Variants in TTC3 observed in about 807,000 individuals in gnomAD.
TTC3 encodes the protein E3 ubiquitin-protein ligase TTC3.
A neutral mutation model predicts 249.6 loss-of-function variants in TTC3; 180 were observed. That is an observed-to-expected ratio of 0.72 (90% CI 0.64 to 0.82). The LOEUF is 0.82. TTC3 is among the 40% of genes least tolerant of loss of function. The pLI is 0.00. For synonymous variants in TTC3, 717 were observed against 805.0 expected, an observed-to-expected ratio of 0.89 and a Z score of 1.85; for missense variants, 2,061 against 2,398.4, an observed-to-expected ratio of 0.86 and a Z score of 2.94.
chr21:37,076,629 G>A (rs1472996777), intron 1 of TTC3, among the ~76,000 whole-genome samples: 2 of 150,380 alleles, frequency 1.3e-5, no homozygotes, highest in Non-Finnish European at 2.9e-5. Context: ...CAAACCACAG[G>A]TTCTTGTGGA....
At chr21:37,115,399 G>C (rs2076057815) in intron 11 of TTC3, among the ~76,000 whole-genome samples, 1 of 152,068 alleles carries the variant, frequency 6.6e-6, no homozygotes, top group African/African-American at 2.4e-5. Context: ...GTGGGTATGT[G>C]TAGTAACAGG....
intron 10 of TTC3, 47 bp downstream of exon 10, chr21:37,096,690 C>CTA: frequency 7.0e-7 from 1 of 1,429,046 alleles, no homozygotes; most frequent in Non-Finnish European, 9.7e-7. Flanking sequence ...ATGCTAAATA[C>CTA]CCATTTTTGG....
At chr21:37,092,377 T>G (rs773025049) in intron 7 of TTC3, among the ~76,000 whole-genome samples, 1 of 152,228 alleles carries the variant, frequency 6.6e-6, no homozygotes, top group Non-Finnish European at 1.5e-5. Flanking sequence ...GGTTGTTCTC[T>G]TCATTGTTTT....
At chr21:37,139,387 A>G (rs1360811453) in intron 19 of TTC3, among the ~76,000 whole-genome samples, 2 of 152,062 alleles carry the variant, frequency 1.3e-5, no homozygotes, top group African/African-American at 4.8e-5. Flanking sequence ...ATGTTTACCT[A>G]CCTATACTGT....
exon 11 of TTC3, chr21:37,108,394 A>G (rs1358780466): frequency 1.2e-6 from 2 of 1,607,956 alleles, no homozygotes; most frequent in East Asian, 4.5e-5. Context: ...CCTTTTAGAA[A>G]TGCACTCGGT....
chr21:37,188,493 A>C lies in TTC3; in HGVS notation c.4924-2A>C, dbSNP rs1207238905. The stretch of plus-strand genomic sequence containing the variant: ...CTCATATGTCTTCTGATCTACTGGC[A>C]GGTATCCGTACTTGAAAACTGGAAG... On this transcript the variant is annotated splice_acceptor_variant, in intron 38 of 45. Coordinates refer to ENST00000355666, the Ensembl canonical transcript of TTC3. LOFTEE classifies it high-confidence loss of function. 1.2e-6 allele frequency: 2 copies of C among 1,611,716 alleles called. No homozygotes were observed. Among genetic ancestry groups the C allele is most frequent in the Admixed American group, 3.3e-5 (2 of 59,878 alleles).
intron 22 of TTC3, 30 bp from the exon 23 acceptor site, chr21:37,148,516 C>T (rs780803146): frequency 8.1e-6 from 11 of 1,357,402 alleles, no homozygotes; most frequent in South Asian, 4.2e-5. Context: ...ATCTTTAAAA[C>T]GTTAATTAAA....
At chr21:37,115,046 A>G (rs988442934) in intron 11 of TTC3, among the ~76,000 whole-genome samples, 1 of 151,908 alleles carries the variant, frequency 6.6e-6, no homozygotes, top group African/African-American at 2.4e-5. Flanking sequence ...GTGGGAGGGG[A>G]GAGGGATAGC....
At position 37,090,122 on chromosome 21, in the gene TTC3, A is replaced by G. The variant is rs1014333682; in HGVS notation, c.427-111A>G. ...TCATGTAAATGCTTGTCGGAAGTGT[A>G]CTACTGAGTACATATAGTAGTGTTC... On this transcript the variant is annotated intron_variant, in intron 5 of 45. Coordinates refer to ENST00000355666, the Ensembl canonical transcript of TTC3. The G allele has an allele frequency of 3.6e-5, 24 of 674,978 alleles. No homozygotes were observed. The East Asian group carries it at 5.3e-4, about 15-fold the overall frequency. The allele number at this position is 674,978 out of a possible 1,614,324, so 41.8% of individuals were successfully genotyped here. A position where few individuals can be genotyped will look rare whatever the true frequency, so the allele number is the denominator to read the frequency against.
intron 40 of TTC3, 65 bp downstream of exon 40, chr21:37,191,489 G>A (rs1478478019): frequency 2.0e-6 from 2 of 1,004,272 alleles, no homozygotes; most frequent in East Asian, 2.9e-5. Flanking sequence ...TCGGGAGGCT[G>A]GTGTCATATT....
intron 20 of TTC3, among the ~76,000 whole-genome samples, chr21:37,142,728 AGAATT>A (rs1228340916): frequency 2.6e-5 from 4 of 152,354 alleles, no homozygotes; most frequent in South Asian, 2.1e-4. Context: ...CTTTCTTCAC[AGAATT>A]GGAAAAAACT....
At chr21:37,183,020 A>G in intron 36 of TTC3, 107 bp downstream of exon 36, 5 of 960,120 alleles carry the variant, frequency 5.2e-6, no homozygotes, top group Non-Finnish European at 7.3e-6. Context: ...CAAGTAAAGT[A>G]AAAATGAATA....
At chr21:37,111,860 T>C (rs1056029259) in intron 11 of TTC3, among the ~76,000 whole-genome samples, 5 of 152,010 alleles carry the variant, frequency 3.3e-5, no homozygotes, top group African/African-American at 1.2e-4. Flanking sequence ...TCTCAGACCA[T>C]AGTGCAATCA....
At chr21:37,179,464 T>C (rs2082558193) in intron 35 of TTC3, among the ~76,000 whole-genome samples, 1 of 152,234 alleles carries the variant, frequency 6.6e-6, no homozygotes, top group Non-Finnish European at 1.5e-5. Flanking sequence ...GTTTTTACTT[T>C]GAGTACACTA....
Position 37,088,452 on chromosome 21 carries a change from T to A in TTC3, c.338+106T>A, listed in dbSNP as rs1040283758. 271 of 1,367,322 alleles carry A rather than the reference T, an allele frequency of 2.0e-4. 1 individual carries two copies. The highest frequency in any genetic ancestry group is 3.8e-5 in the Non-Finnish European group (38 of 1,005,446). 84.7% of individuals were successfully genotyped at this position (1,367,322 alleles called of 1,614,324 possible). Reference sequence around the variant, plus strand: ...AGGCTTATGTCTTATTCTTGTATGCTGCTCAACGTTTGTGTAATAGGGTGG... The same window carrying A: ...AGGCTTATGTCTTATTCTTGTATGCAGCTCAACGTTTGTGTAATAGGGTGG... On this transcript the variant is annotated intron_variant, in intron 4 of 45. Transcript: ENST00000355666.
At chr21:37,141,186 T>TCTTAGTCTTGTCTCC (rs1225553977) in intron 20 of TTC3, among the ~76,000 whole-genome samples, 1 of 152,218 alleles carries the variant, frequency 6.6e-6, no homozygotes. Flanking sequence ...GCCTCATGTC[T>TCTTAGTCTTGTCTCC]CTTAGTCTTG....
rs1421033313 is a variant in TTC3 at position 37,074,248 on chromosome 21, C to A, written c.-12+884C>A. On this transcript the variant is annotated intron_variant, in intron 1 of 45. Transcript: ENST00000355666. ...AGACGCTAATGGGAAGGGGGGTGGA[C>A]AGGATCGAGTCTGGCCAGCTGCTCC... 3.3e-5 allele frequency among the ~76,000 whole-genome samples: 5 copies of A among 152,196 alleles called. No homozygotes were observed. In the East Asian group the frequency reaches 9.6e-4, roughly 29 times the overall value.
At chr21:37,135,637 C>A in intron 18 of TTC3, 123 bp downstream of exon 18, 1 of 1,189,634 alleles carries the variant, frequency 8.4e-7, no homozygotes, top group Non-Finnish European at 1.1e-6. Context: ...TTGGCTGAAT[C>A]TACTTCAGGT....
intron 1 of TTC3, among the ~76,000 whole-genome samples, chr21:37,078,829 A>C (rs2071240962): frequency 6.6e-6 from 1 of 152,158 alleles, no homozygotes. Context: ...CTTTATACTT[A>C]CGTTCAATGG....
Sources: allele counts gnomAD v4.1 joint callset (sites outside exome capture counted in the v4.1 genomes callset), GRCh38; gene constraint gnomAD v4.1.1; transcripts MANE v1.5; gene names NCBI Gene and HGNC (gene_info 2026-07-23, HGNC 2026-07-21).